The following AUTS2 variants were observed in gnomAD, a reference collection of about 807,000 sequenced individuals.
AUTS2 encodes autism susceptibility gene 2 protein.
A neutral mutation model predicts 112.4 loss-of-function variants in AUTS2; 17 were observed. The ratio of observed to expected loss-of-function variants is 0.15; its 90% CI spans 0.10 to 0.23. AUTS2 has a LOEUF of 0.23. Ranked by LOEUF, AUTS2 falls within the 10% of genes least tolerant of loss-of-function variation. The probability of loss-of-function intolerance (pLI) is 1.00; values close to 1 mark genes in which losing one functional copy is unlikely to be tolerated. For missense variants in AUTS2, 1,510 were observed against 1,701.6 expected (o/e 0.89, Z 1.98); for synonymous variants, 751 against 702.7 (o/e 1.07, Z -1.09).
In AUTS2 at chr7:70,286,910, C is replaced by T. The variant is rs555682965; in HGVS notation, c.661-148842C>T. Among the ~76,000 whole-genome samples the T allele has an allele frequency of 1.2e-4, 19 of 152,206 alleles. No individual in the cohort carries two copies. In the South Asian group the frequency reaches 2.5e-3, roughly 20 times the overall value. ...ACCCATTTTCTAAGATTTTGCTGAACGGAACTTTGATCATAGGGGTCTCTT... is the reference window on the plus strand; with the variant it reads ...ACCCATTTTCTAAGATTTTGCTGAATGGAACTTTGATCATAGGGGTCTCTT... On this transcript the variant is annotated intron_variant, in intron 4 of 18. Transcript: ENST00000342771.
chr7:70,671,907 C>T (rs1222084841), intron 5 of AUTS2, among the ~76,000 whole-genome samples: 1 of 152,156 alleles, frequency 6.6e-6, no homozygotes, highest in Non-Finnish European at 1.5e-5. Flanking sequence ...AGAAGACAAT[C>T]AGGATACCAA....
intron 4 of AUTS2, among the ~76,000 whole-genome samples, chr7:70,269,605 G>T (rs913496502): frequency 6.6e-6 from 1 of 152,138 alleles, no homozygotes; most frequent in African/African-American, 2.4e-5. Flanking sequence ...AGATAATAGC[G>T]CCTGTCTTAT....
chr7:70,459,535 T>C (rs1796878192), intron 5 of AUTS2, among the ~76,000 whole-genome samples: 1 of 152,206 alleles, frequency 6.6e-6, no homozygotes, highest in Admixed American at 6.5e-5. Context: ...TTAAAACTCC[T>C]GGCTGGCTGT....
In AUTS2 at chr7:70,230,172, T is replaced by TTGTACA. The variant is rs1255413613; in HGVS notation, c.660+95601_660+95602insTGTACA. Among the ~76,000 whole-genome samples, 19 of 152,316 alleles carry TTGTACA rather than the reference T, an allele frequency of 1.2e-4. No homozygotes were observed. In the East Asian group the frequency reaches 3.5e-3, roughly 28 times the overall value. ...GCTGAAAACTGAACATTTTAGATAA[T>TTGTACA]ATATTGTAGCAACTGTATAATCTGA... On this transcript the variant is annotated intron_variant, in intron 4 of 18. Coordinates refer to ENST00000342771, the MANE Select transcript of AUTS2 (RefSeq NM_015570.4).
rs550686247 is a variant in AUTS2, at chr7:70,713,022, A to G, written c.742+14402A>G. On this transcript the variant is annotated intron_variant, in intron 6 of 18. Coordinates refer to ENST00000342771, the MANE Select transcript of AUTS2 (RefSeq NM_015570.4). ...TATAGCCTTGTGAACAGGCCTACTC[A>G]TGTTTAGCGTGGTTCTGACAGATGC... Among the ~76,000 whole-genome samples the G allele has an allele frequency of 5.3e-5, 8 of 152,230 alleles. No homozygotes were observed. The East Asian group carries it at 1.5e-3, about 29-fold the overall frequency.
At chr7:70,071,180 C>T (rs368383041) in intron 2 of AUTS2, among the ~76,000 whole-genome samples, 1 of 152,082 alleles carries the variant, frequency 6.6e-6, no homozygotes, top group Admixed American at 6.6e-5. Context: ...AATCTTATTC[C>T]ATTTGGGAAT....
At position 70,170,766 on chromosome 7, in the gene AUTS2, C is replaced by T. The variant is rs763959784; in HGVS notation, c.660+36195C>T. On this transcript the variant is annotated intron_variant, in intron 4 of 18. Coordinates refer to ENST00000342771, the MANE Select transcript of AUTS2 (RefSeq NM_015570.4). ...GAGATTACAGGTGCCTGCCACCACG[C>T]GTGGCTAATTTTTGTATTTTTAGTA... Among the ~76,000 whole-genome samples, 11 of 151,996 alleles carry T rather than the reference C, an allele frequency of 7.2e-5. No homozygotes were observed. The South Asian group carries it at 1.2e-3, about 17-fold the overall frequency.
chr7:70,265,383 TA>T (rs936971833), intron 4 of AUTS2, among the ~76,000 whole-genome samples: 1 of 152,282 alleles, frequency 6.6e-6, no homozygotes, highest in African/African-American at 2.4e-5. Context: ...TTTAATGTGA[TA>T]AATGAACGTA....
At chr7:69,840,398 G>A (rs1347671548) in intron 1 of AUTS2, among the ~76,000 whole-genome samples, 3 of 152,186 alleles carry the variant, frequency 2.0e-5, no homozygotes, top group East Asian at 1.9e-4. Context: ...TGTAGAGGAA[G>A]TGCTTTATAA....
chr7:70,089,111 A>G (rs1244472324), intron 2 of AUTS2, among the ~76,000 whole-genome samples: 1 of 152,166 alleles, frequency 6.6e-6, no homozygotes, highest in Non-Finnish European at 1.5e-5. Context: ...AATTATGCAT[A>G]ATAGTATTTT....
intron 4 of AUTS2, among the ~76,000 whole-genome samples, chr7:70,325,623 A>G (rs1253314371): frequency 2.0e-5 from 3 of 152,202 alleles, no homozygotes; most frequent in Non-Finnish European, 4.4e-5. Context: ...TTGAGTTTAA[A>G]CAAGTAGAAC....
intron 3 of AUTS2, among the ~76,000 whole-genome samples, chr7:70,126,212 A>T (rs1805962690): frequency 6.6e-6 from 1 of 152,170 alleles, no homozygotes; most frequent in Admixed American, 6.5e-5. Flanking sequence ...TGAGGTCAGG[A>T]GTTGGAGATC....
At chr7:69,669,278 A>G (rs1796206495) in intron 1 of AUTS2, among the ~76,000 whole-genome samples, 1 of 152,174 alleles carries the variant, frequency 6.6e-6, no homozygotes, top group African/African-American at 2.4e-5. Flanking sequence ...AAATAAAAAT[A>G]ATAATGTATA....
chr7:69,908,510 A>C (rs1177524484), intron 2 of AUTS2, among the ~76,000 whole-genome samples: 2 of 152,302 alleles, frequency 1.3e-5, no homozygotes, highest in African/African-American at 2.4e-5. Flanking sequence ...ATAGCTCACA[A>C]ATGTGGGCAA....
intron 2 of AUTS2, among the ~76,000 whole-genome samples, chr7:70,083,821 T>G (rs1255892595): frequency 6.6e-6 from 1 of 152,082 alleles, no homozygotes; most frequent in Non-Finnish European, 1.5e-5. Context: ...TTGGTTCGTA[T>G]CTGTAGTCCC....
At chr7:70,104,726 AT>A (rs1363306504) in intron 2 of AUTS2, among the ~76,000 whole-genome samples, 1 of 152,190 alleles carries the variant, frequency 6.6e-6, no homozygotes, top group Non-Finnish European at 1.5e-5. Context: ...AGTTTAGGGA[AT>A]TTGGAATGTG....
At chr7:69,926,894 A>G (rs1796038246) in intron 2 of AUTS2, among the ~76,000 whole-genome samples, 1 of 146,692 alleles carries the variant, frequency 6.8e-6, no homozygotes, top group Admixed American at 6.8e-5. Flanking sequence ...GATATGTAAG[A>G]TATATAGCAT....
chr7:70,246,073 A>G (rs1812906846), intron 4 of AUTS2, among the ~76,000 whole-genome samples: 1 of 152,092 alleles, frequency 6.6e-6, no homozygotes, highest in Admixed American at 6.6e-5. Context: ...TTATTCAGTT[A>G]TAAGAGTGCT....
intron 5 of AUTS2, among the ~76,000 whole-genome samples, chr7:70,658,478 G>A (rs962137424): frequency 6.6e-6 from 1 of 152,200 alleles, no homozygotes; most frequent in Admixed American, 6.5e-5. Flanking sequence ...GGGCTGATCC[G>A]CTTTGAAACC....
Sources: allele counts gnomAD v4.1 joint callset (sites outside exome capture counted in the v4.1 genomes callset), GRCh38; gene constraint gnomAD v4.1.1; transcripts MANE v1.5; gene names NCBI Gene and HGNC (gene_info 2026-07-23, HGNC 2026-07-21).